Variants in PPM1L observed in about 807,000 individuals in gnomAD.
PPM1L encodes the protein protein phosphatase, Mg2+/Mn2+ dependent 1L, also known as protein phosphatase 1L.
A neutral mutation model predicts 31.4 loss-of-function variants in PPM1L; 13 were observed. The ratio of observed to expected loss-of-function variants is 0.41; its 90% CI spans 0.27 to 0.66. The LOEUF is 0.66. Among genes scored for constraint, PPM1L ranks in the 30% least tolerant of loss-of-function variants. The pLI is 0.29. For synonymous variants in PPM1L, 184 were observed against 175.4 expected, an observed-to-expected ratio of 1.05 and a Z score of -0.39; for missense variants, 326 against 453.7, an observed-to-expected ratio of 0.72 and a Z score of 2.56.
At chr3:160,861,710 T>C (rs1711896992) in intron 1 of PPM1L, among the ~76,000 whole-genome samples, 2 of 152,222 alleles carry the variant, frequency 1.3e-5, no homozygotes, top group African/African-American at 4.8e-5. Flanking sequence ...TTTGTTATTA[T>C]GGCTCTGAAG....
intron 2 of PPM1L, among the ~76,000 whole-genome samples, chr3:160,965,525 C>A (rs1234225500): frequency 6.6e-6 from 1 of 151,996 alleles, no homozygotes; most frequent in Non-Finnish European, 1.5e-5. Context: ...CAACTACAGG[C>A]TAATGTAAGT....
At chr3:161,058,367 T>C (rs1719482308) in intron 2 of PPM1L, among the ~76,000 whole-genome samples, 2 of 151,858 alleles carry the variant, frequency 1.3e-5, no homozygotes, top group South Asian at 4.2e-4. Context: ...TCAGGTAATC[T>C]GCCTGCCTCA....
chr3:160,757,152 G>A (rs555300452), intron 1 of PPM1L, among the ~76,000 whole-genome samples: 34 of 152,318 alleles, frequency 2.2e-4, no homozygotes, highest in African/African-American at 8.2e-4. Flanking sequence ...TAGGCAAACA[G>A]GCTATATCTG....
At chr3:160,803,324 C>A (rs1284700405) in intron 1 of PPM1L, among the ~76,000 whole-genome samples, 2 of 152,184 alleles carry the variant, frequency 1.3e-5, no homozygotes. Context: ...AAATTATTTT[C>A]TCTGAATAAT....
intron 2 of PPM1L, among the ~76,000 whole-genome samples, chr3:161,061,957 T>C (rs1719585391): frequency 1.3e-5 from 2 of 152,222 alleles, no homozygotes; most frequent in African/African-American, 4.8e-5. Flanking sequence ...AGCAGTTCCC[T>C]GATATTCTCC....
intron 1 of PPM1L, among the ~76,000 whole-genome samples, chr3:160,841,886 G>A (rs1713891949): frequency 6.6e-6 from 1 of 152,144 alleles, no homozygotes; most frequent in African/African-American, 2.4e-5. Context: ...GCTTATAAAT[G>A]TCAACTTGTT....
chr3:160,789,207 C>G (rs184587525), intron 1 of PPM1L, among the ~76,000 whole-genome samples: 1 of 151,928 alleles, frequency 6.6e-6, no homozygotes, highest in Admixed American at 6.6e-5. Flanking sequence ...TAGACTTATT[C>G]TCAAGACTTT....
chr3:161,047,471 T>A (rs1315881828), intron 2 of PPM1L, among the ~76,000 whole-genome samples: 2 of 152,206 alleles, frequency 1.3e-5, no homozygotes, highest in South Asian at 2.1e-4. Flanking sequence ...TCCATGCTCA[T>A]GGGTAGGAAG....
intron 1 of PPM1L, among the ~76,000 whole-genome samples, chr3:160,906,475 G>C (rs1488415191): frequency 6.6e-6 from 1 of 152,164 alleles, no homozygotes; most frequent in Non-Finnish European, 1.5e-5. Context: ...GATGGCACAT[G>C]CCTGTAGTCC....
intron 1 of PPM1L, among the ~76,000 whole-genome samples, chr3:160,810,382 G>T (rs974649128): frequency 6.6e-6 from 1 of 152,136 alleles, no homozygotes; most frequent in East Asian, 1.9e-4. Context: ...GGGCAATGTG[G>T]TTCCACATGT....
chr3:161,044,959 A>G (rs1274531018), intron 2 of PPM1L, among the ~76,000 whole-genome samples: 1 of 152,234 alleles, frequency 6.6e-6, no homozygotes, highest in African/African-American at 2.4e-5. Flanking sequence ...AAAAAAAGGC[A>G]GGAGTTGCAA....
chr3:160,927,148 C>T (rs965714922), intron 1 of PPM1L, among the ~76,000 whole-genome samples: 3 of 152,132 alleles, frequency 2.0e-5, no homozygotes, highest in African/African-American at 7.2e-5. Flanking sequence ...AAGGAACATC[C>T]CATGACTTAA....
chr3:160,958,106 T>C (rs1715839848), intron 1 of PPM1L, among the ~76,000 whole-genome samples: 1 of 152,180 alleles, frequency 6.6e-6, no homozygotes, highest in African/African-American at 2.4e-5. Flanking sequence ...GTTCTGTAGG[T>C]TGTCTGTTTA....
At chr3:161,039,350 GGAAAAATGAT>G (rs758927909) in intron 2 of PPM1L, among the ~76,000 whole-genome samples, 1 of 152,032 alleles carries the variant, frequency 6.6e-6, no homozygotes, top group Non-Finnish European at 1.5e-5. Flanking sequence ...ACTCTCCTTT[GGAAAAATGAT>G]CAAGGTTCTT....
At chr3:161,029,680 C>A (rs1270707149) in intron 2 of PPM1L, among the ~76,000 whole-genome samples, 1 of 151,964 alleles carries the variant, frequency 6.6e-6, no homozygotes, top group Non-Finnish European at 1.5e-5. Context: ...TTATCAGTAC[C>A]CCCAGGAGCT....
intron 1 of PPM1L, among the ~76,000 whole-genome samples, chr3:160,951,577 A>G (rs1456781567): frequency 6.6e-6 from 1 of 152,204 alleles, no homozygotes; most frequent in East Asian, 1.9e-4. Flanking sequence ...TCCATCTGCA[A>G]TTAGGGAAGC....
intron 1 of PPM1L, among the ~76,000 whole-genome samples, chr3:160,876,495 A>C (rs1178532375): frequency 6.6e-6 from 1 of 152,182 alleles, no homozygotes; most frequent in Non-Finnish European, 1.5e-5. Context: ...TTATAGTAGA[A>C]AATTGGCAAA....
chr3:160,968,292 C>T (rs1716219491), intron 2 of PPM1L, among the ~76,000 whole-genome samples: 1 of 152,150 alleles, frequency 6.6e-6, no homozygotes, highest in Non-Finnish European at 1.5e-5. Context: ...TATATTTGAT[C>T]TATTAATGTT....
chr3:161,005,565 C>T (rs922306549), intron 2 of PPM1L, among the ~76,000 whole-genome samples: 1 of 152,076 alleles, frequency 6.6e-6, no homozygotes, highest in African/African-American at 2.4e-5. Flanking sequence ...CCAGCCTTGC[C>T]TGCGTTTAAA....
Sources: gnomAD v4.1 joint callset for allele counts (sites outside exome capture counted in the v4.1 genomes callset) on GRCh38, gnomAD v4.1.1 for gene constraint, MANE v1.5 for transcripts, NCBI Gene and HGNC (gene_info 2026-07-23, HGNC 2026-07-21) for gene names.